The following SIGLEC1 variants were observed in gnomAD, a reference collection of about 807,000 sequenced individuals.
SIGLEC1 encodes the protein sialoadhesin.
SIGLEC1 carries 132 observed loss-of-function variants against 148.0 expected under a neutral mutation model. The ratio of observed to expected loss-of-function variants is 0.89; its 90% CI spans 0.77 to 1.03. The LOEUF (loss-of-function observed/expected upper bound fraction) is 1.03, where lower values mean the gene tolerates loss of function less well. Among genes scored for constraint, SIGLEC1 ranks in the 50% least tolerant of loss-of-function variants. The pLI is 0.00. For missense variants in SIGLEC1, 2,253 were observed against 2,271.4 expected, an observed-to-expected ratio of 0.99 and a Z score of 0.16; for synonymous variants, 945 against 969.0, an observed-to-expected ratio of 0.98 and a Z score of 0.46.
In SIGLEC1 at chr20:3,703,288, C is replaced by T; in HGVS notation, c.1137G>A (p.Leu379=). The T allele has an allele frequency of 3.7e-6, 6 of 1,614,186 alleles. No homozygotes were observed. Among genetic ancestry groups the T allele is most frequent in the Middle Eastern group, 1.7e-4 (1 of 6,058 alleles). ...DAHSHTLRLH[L]ATRADTGFYF... ...AGAAGCCAGTATCAGCCCTAGTGGC[C>T]AAGTGCAGCCGGAGGGTATGGGAGT... The change falls in exon 6 of 22, where the codon TTG becomes TTA. Residue 379 remains leucine (L), a synonymous_variant. Transcript: ENST00000344754.
intron 18 of SIGLEC1, among the ~76,000 whole-genome samples, chr20:3,690,843 TTTC>T (rs141712346): frequency 0.32 from 42,382 of 130,682 alleles, 6,862 homozygotes; most frequent in Admixed American, 0.43. Flanking sequence ...TTTTTTTTTT[TTTC>T]TTGAGACAGA....
rs752332172 is a variant in SIGLEC1, at chr20:3,690,119, C to T, written c.4737G>A (p.Gln1579=). 6.2e-6 allele frequency: 10 copies of T among 1,608,750 alleles called. No individual in the cohort carries two copies. The highest frequency in any genetic ancestry group is 5.5e-5 in the South Asian group (5 of 90,106). ...GSRLVASSQP[Q]GAPAEPHIHV... is the part of the protein sequence containing the mutation. ...GGATGTGTGGCTCTGCAGGAGCACC[C>T]TGGGGCTGACTGGAGGCCACCAGTC... The change falls in exon 19 of 22, where the codon CAG becomes CAA. Residue 1579 remains glutamine, a synonymous_variant. Coordinates refer to ENST00000344754, the MANE Select transcript of SIGLEC1 (RefSeq NM_023068.4).
chr20:3,697,143 G>A lies in SIGLEC1; in HGVS notation c.2322C>T (p.Cys774=). 1 of 1,613,718 alleles carries A rather than the reference G, an allele frequency of 6.2e-7. No individual in the cohort carries two copies. The highest frequency in any genetic ancestry group is 8.5e-7 in the Non-Finnish European group (1 of 1,180,050). Reference sequence around the variant, plus strand: ...GGGCACCAGCCTCAGTCAGGATGCGGCAGGCGTAAAGGGCAGCATCAGTTC... The same window carrying A: ...GGGCACCAGCCTCAGTCAGGATGCGACAGGCGTAAAGGGCAGCATCAGTTC... ...VARTDAALYA[C]RILTEAGAQL... Residue 774 remains cysteine (C), a synonymous_variant, in exon 10 of 22, where the codon TGC becomes TGT. Transcript: ENST00000344754.
Position 3,701,548 on chromosome 20 carries a change from G to A in SIGLEC1, c.1322C>T (p.Ala441Val). Residue 441 changes from alanine (A) to valine (V), a missense_variant, in exon 7 of 22, where the codon GCC becomes GTC. By Grantham distance (64) the Ala-to-Val change is moderately conservative. Coordinates refer to ENST00000344754, the MANE Select transcript of SIGLEC1 (RefSeq NM_023068.4). ...ACCCCCATGTGACAGCACCAGTGTGGCCAGGGGCTCACTGACCACAGAGCA... is the reference window on the plus strand; with the variant it reads ...ACCCCCATGTGACAGCACCAGTGTGACCAGGGGCTCACTGACCACAGAGCA... Reference protein sequence around the residue: ...LHCSVVSEPLATLVLSHGGHI... With the variant: ...LHCSVVSEPLVTLVLSHGGHI... The A allele has an allele frequency of 6.2e-7, 1 of 1,613,396 alleles. No individual in the cohort carries two copies. Among genetic ancestry groups the A allele is most frequent in the Non-Finnish European group, 8.5e-7 (1 of 1,179,588 alleles).
rs548932066 is a variant in SIGLEC1 at position 3,688,983 on chromosome 20, C to T, written c.5070+172G>A. The T allele has an allele frequency of 4.8e-4, 318 of 659,862 alleles. 3 individuals carry two copies. The South Asian group carries it at 5.3e-3, about 11-fold the overall frequency. 40.9% of individuals were successfully genotyped at this position (659,862 alleles called of 1,614,324 possible). A position where few individuals can be genotyped will look rare whatever the true frequency, so the allele number is the denominator to read the frequency against. ...GCTGACACAGGGATTCCCTCTGCCC[C>T]GAGCAGAACAGGGCTCTCCTATCTC... is the stretch of plus-strand genomic sequence containing the variant. On this transcript the variant is annotated intron_variant, in intron 21 of 21. Coordinates refer to ENST00000344754, the MANE Select transcript of SIGLEC1 (RefSeq NM_023068.4).
chr20:3,688,872 G>A (rs1389371657), intron 21 of SIGLEC1: 3 of 597,324 alleles, frequency 5.0e-6, no homozygotes, highest in Non-Finnish European at 8.9e-6. Context: ...AACAAAGGTG[G>A]GGGAGTCAGA....
intron 6 of SIGLEC1, among the ~76,000 whole-genome samples, chr20:3,702,628 A>C (rs184789271): frequency 0.025 from 3,824 of 152,100 alleles, 79 homozygotes; most frequent in Middle Eastern, 0.054. Context: ...AATTTTCCTG[A>C]TCATGATCAT....
chr20:3,702,513 C>A (rs2087859807), intron 6 of SIGLEC1, among the ~76,000 whole-genome samples: 1 of 151,742 alleles, frequency 6.6e-6, no homozygotes, highest in Non-Finnish European at 1.5e-5. Flanking sequence ...GCTTGAGCCC[C>A]AGAGGCGGAC....
intron 7 of SIGLEC1, among the ~76,000 whole-genome samples, chr20:3,700,454 A>G (rs769544735): frequency 8.6e-5 from 13 of 151,200 alleles, no homozygotes; most frequent in Non-Finnish European, 1.6e-4. Context: ...GTGTGGTGAC[A>G]TGGGCCGTAG....
chr20:3,701,532 T>C lies in SIGLEC1; in HGVS notation c.1338A>G (p.Ser446=). Residue 446 remains serine, a synonymous_variant, in exon 7 of 22, where the codon TCA becomes TCG. Transcript: ENST00000344754. ...VSEPLATLVL[S]HGGHILASTS... is the part of the protein sequence containing the mutation. ...TGGAGGCCAGGATATGACCCCCATG[T>C]GACAGCACCAGTGTGGCCAGGGGCT... 2 of 1,613,918 alleles carry C rather than the reference T, an allele frequency of 1.2e-6. No individual in the cohort carries two copies. Among genetic ancestry groups the C allele is most frequent in the Non-Finnish European group, 1.7e-6 (2 of 1,179,956 alleles).
chr20:3,692,178 G>A lies in SIGLEC1; in HGVS notation c.4055C>T (p.Ser1352Phe). 6.4e-7 allele frequency: 1 copy of A among 1,570,106 alleles called. No homozygotes were observed. The highest frequency in any genetic ancestry group is 1.1e-5 in the South Asian group (1 of 87,744). ...VLYAPQDAVL[S>F]SFRDSRARSM... ...TCTGGCCCTGGAGTCCCGGAAGGAG[G>A]ACAGGACAGCGTCCTGAGGGGCATC... Residue 1352 changes from serine to phenylalanine, a missense_variant, in exon 17 of 22, where the codon TCC becomes TTC. Transcript: ENST00000344754.
intron 21 of SIGLEC1, 38 bp from the exon 22 acceptor site, chr20:3,688,657 G>A: frequency 6.5e-7 from 1 of 1,532,108 alleles, no homozygotes; most frequent in Non-Finnish European, 8.8e-7. Context: ...GGAGGCCTCT[G>A]GGAGCCAGGG....
In SIGLEC1 at chr20:3,693,060, T is replaced by G; in HGVS notation, c.3580A>C (p.Thr1194Pro). 1 of 1,608,234 alleles carries G rather than the reference T, an allele frequency of 6.2e-7. No homozygotes were observed. The highest frequency in any genetic ancestry group is 8.5e-7 in the Non-Finnish European group (1 of 1,179,236). Residue 1194 changes from threonine to proline, a missense_variant, in exon 15 of 22, where the codon ACT becomes CCT. Transcript: ENST00000344754. ...HGGQLALVLCTVDSRPPAQLA... is the reference protein window; with the variant it reads ...HGGQLALVLCPVDSRPPAQLA... ...TGGGCGGGCGGGCGGCTGTCCACAG[T>G]GCACAGTACCAGGGCCAGCTGCCCG...
At chr20:3,694,101 G>A in intron 13 of SIGLEC1, 120 bp downstream of exon 13, 7 of 1,089,828 alleles carry the variant, frequency 6.4e-6, no homozygotes, top group Non-Finnish European at 7.7e-6. Context: ...TCGTTAGGAA[G>A]GGTGGGAATG....
rs1982491257 is a variant in SIGLEC1, at chr20:3,705,614, TGGAGGCCCA to T, written c.706+121_706+129del. On this transcript the variant is annotated intron_variant, in intron 4 of 21. Transcript: ENST00000344754. ...CAGTGTCTCTCCACTTGCCCTACCC[TGGAGGCCCA>T]GGAGCAGCCTGGTTTTGCATCAGGA... is the stretch of plus-strand genomic sequence containing the variant. The T allele has an allele frequency of 5.1e-6, 5 of 980,844 alleles. No individual in the cohort carries two copies. In the African/African-American group the frequency reaches 6.5e-5, roughly 13 times the overall value. The allele number at this position is 980,844 out of a possible 1,614,324, so 60.8% of individuals were successfully genotyped here. A position where few individuals can be genotyped will look rare whatever the true frequency, so the allele number is the denominator to read the frequency against.
chr20:3,698,577 A>G (rs2087824299), intron 8 of SIGLEC1, among the ~76,000 whole-genome samples: 1 of 152,186 alleles, frequency 6.6e-6, no homozygotes, highest in African/African-American at 2.4e-5. Context: ...CTCCTGTGAT[A>G]CTAGCGAATG....
chr20:3,694,617 G>T (rs1389960396), intron 12 of SIGLEC1, 46 bp downstream of exon 12: 1 of 1,581,802 alleles, frequency 6.3e-7, no homozygotes, highest in Admixed American at 1.7e-5. Context: ...CAGGACTGGG[G>T]GACTGCATTC....
At chr20:3,706,849 G>T in intron 2 of SIGLEC1, 143 bp from the exon 3 acceptor site, 1 of 1,136,368 alleles carries the variant, frequency 8.8e-7, no homozygotes, top group Non-Finnish European at 1.2e-6. Flanking sequence ...ACTTAGAGCA[G>T]CCCTTCTCAG....
chr20:3,688,770 G>A (rs2088724659), intron 21 of SIGLEC1, 151 bp from the exon 22 acceptor site: 2 of 627,094 alleles, frequency 3.2e-6, no homozygotes, highest in South Asian at 3.9e-5. Context: ...AGGTGAATCA[G>A]CTGCAGAAGG....
Sources: gnomAD v4.1 joint callset for allele counts (sites outside exome capture counted in the v4.1 genomes callset) on GRCh38, gnomAD v4.1.1 for gene constraint, MANE v1.5 for transcripts, NCBI Gene and HGNC (gene_info 2026-07-23, HGNC 2026-07-21) for gene names.